The following SLC35G1 variants were observed in gnomAD, a reference collection of about 807,000 sequenced individuals.
SLC35G1 encodes the protein partner of STIM1.
SLC35G1 carries 10 observed loss-of-function variants against 17.1 expected under a neutral mutation model. The ratio of observed to expected loss-of-function variants is 0.59; its 90% CI spans 0.36 to 0.99. SLC35G1 has a LOEUF of 0.99. Among genes scored for constraint, SLC35G1 ranks in the 50% least tolerant of loss-of-function variants. The probability of loss-of-function intolerance (pLI) is 0.01; values close to 1 mark genes in which losing one functional copy is unlikely to be tolerated. For missense variants in SLC35G1, 433 were observed against 468.4 expected, an observed-to-expected ratio of 0.92 and a Z score of 0.70; for synonymous variants, 185 against 181.1, an observed-to-expected ratio of 1.02 and a Z score of -0.18.
At chr10:93,904,373 C>T (rs1397713556), downstream of SLC35G1, among the ~76,000 whole-genome samples, 1 of 152,162 alleles carries the variant, frequency 6.6e-6, no homozygotes. Context: ...ACAGTGATGC[C>T]TTATTACACA....
rs556867957 is a variant in SLC35G1, at chr10:93,894,010, C to G, written c.-24C>G. ...GCTGCTGGCGCCAGACGGCACCGGC[C>G]GCTGGTAGAGCGCGTGCCGCGAGAT... On this transcript the variant is annotated 5_prime_UTR_variant, in exon 1 of 3. Transcript: ENST00000427197. 5.1e-6 allele frequency: 7 copies of G among 1,369,290 alleles called. No homozygotes were observed. The African/African-American group carries it at 7.6e-5, about 15-fold the overall frequency. The allele number at this position is 1,369,290 out of a possible 1,614,324, so 84.8% of individuals were successfully genotyped here.
rs775357351 is a variant in SLC35G1 at position 93,901,257 on chromosome 10, A to G, written c.865A>G (p.Ile289Val). The G allele has an allele frequency of 3.7e-6, 6 of 1,613,732 alleles. No individual in the cohort carries two copies. In the African/African-American group the frequency reaches 6.7e-5, roughly 18 times the overall value. ...CTGTGGGTTGGACAGGCTATTTCTC[A>G]TATTCATTGGGCTCTTTGGTTTGGG... The part of the protein sequence containing the change: ...PYCGLDRLFL[I>V]FIGLFGLGGQ... Residue 289 changes from isoleucine to valine, a missense_variant, in exon 3 of 3, where the codon ATA becomes GTA. Transcript: ENST00000427197.
At chr10:93,897,996 G>A (rs1390499411) in intron 1 of SLC35G1, among the ~76,000 whole-genome samples, 1 of 152,208 alleles carries the variant, frequency 6.6e-6, no homozygotes, top group Non-Finnish European at 1.5e-5. Context: ...TTTCCCTGAA[G>A]TTCTCTCATC....
downstream of SLC35G1, among the ~76,000 whole-genome samples, chr10:93,904,440 A>G (rs965634962): frequency 7.2e-5 from 11 of 152,298 alleles, no homozygotes; most frequent in African/African-American, 2.4e-4. Context: ...CCTGATTTCT[A>G]CATCCCAACA....
At chr10:93,908,991 G>C (rs1027992277) in exon 3 of SLC35G1, 1 of 152,188 alleles carries the variant, frequency 6.6e-6, no homozygotes, top group Admixed American at 6.5e-5. Flanking sequence ...ACTCTGGCAG[G>C]CTTGCTCCAT....
intron 1 of SLC35G1, among the ~76,000 whole-genome samples, chr10:93,897,654 T>A (rs1191582630): frequency 6.6e-6 from 1 of 152,228 alleles, no homozygotes; most frequent in East Asian, 1.9e-4. Flanking sequence ...TACTCCTGTG[T>A]AGGAAACTAA....
intron 2 of SLC35G1, 141 bp from the exon 3 acceptor site, chr10:93,900,611 C>A (rs1260688035): frequency 1.4e-6 from 1 of 717,896 alleles, no homozygotes; most frequent in Admixed American, 3.5e-5. Flanking sequence ...ATATAATATT[C>A]ATTTGTGGAT....
chr10:93,894,727 A>C (rs2060314116), intron 1 of SLC35G1, among the ~76,000 whole-genome samples: 1 of 152,152 alleles, frequency 6.6e-6, no homozygotes, highest in South Asian at 2.1e-4. Context: ...TTTAACCTTT[A>C]GGGATACAAG....
At position 93,900,986 on chromosome 10, in the gene SLC35G1, C is replaced by A. The variant is rs1322410549; in HGVS notation, c.594C>A (p.Ile198=). ...LFTVFTITGV[I]LIVRPPFLFG... is the part of the protein sequence containing the mutation. ...CCGTGTTCACAATCACTGGAGTGAT[C>A]CTTATCGTGAGACCACCATTTTTGT... Residue 198 remains isoleucine (I), a synonymous_variant, in exon 3 of 3, where the codon ATC becomes ATA. Coordinates refer to ENST00000427197, the MANE Select transcript of SLC35G1 (RefSeq NM_001134658.3). The A allele has an allele frequency of 6.2e-7, 1 of 1,614,066 alleles. No individual in the cohort carries two copies. The highest frequency in any genetic ancestry group is 1.7e-5 in the Admixed American group (1 of 59,986).
Position 93,901,225 on chromosome 10 carries a change from T to C in SLC35G1, c.833T>C (p.Leu278Pro), listed in dbSNP as rs770810417. ...IILSVLGEWS[L>P]PYCGLDRLFL... ...CTCTCTGTATTAGGAGAGTGGAGTC[T>C]GCCTTACTGTGGGTTGGACAGGCTA... The change falls in exon 3 of 3, where the codon CTG becomes CCG. Residue 278 changes from leucine (L) to proline (P), a missense_variant. Transcript: ENST00000427197. 3 of 1,614,108 alleles carry C rather than the reference T, an allele frequency of 1.9e-6. No homozygotes were observed. Among genetic ancestry groups the C allele is most frequent in the Non-Finnish European group, 8.5e-7 (1 of 1,179,940 alleles).
At chr10:93,894,838 A>C (rs991762837) in intron 1 of SLC35G1, among the ~76,000 whole-genome samples, 2 of 152,190 alleles carry the variant, frequency 1.3e-5, no homozygotes, top group Non-Finnish European at 2.9e-5. Flanking sequence ...CTTTATGTTC[A>C]GTCCCCCTCC....
Position 93,898,697 on chromosome 10 carries a change from C to T in SLC35G1, c.305C>T (p.Ala102Val), listed in dbSNP as rs747284834. The T allele has an allele frequency of 6.2e-6, 10 of 1,612,562 alleles. No individual in the cohort carries two copies. The highest frequency in any genetic ancestry group is 2.2e-5 in the East Asian group (1 of 44,854). ...GACGTCCATGCTGTAGAGATTAGTGCGTTTCGATGTGTGTTCCAAATGCTA... is the reference window on the plus strand; with the variant it reads ...GACGTCCATGCTGTAGAGATTAGTGTGTTTCGATGTGTGTTCCAAATGCTA... ...VQDVHAVEIS[A>V]FRCVFQMLVV... The change falls in exon 2 of 3, where the codon GCG (alanine) becomes GTG (valine). Residue 102 changes from alanine (A) to valine (V), a missense_variant. Physicochemically the swap from Ala to Val is moderately conservative, Grantham distance 64 (BLOSUM62 0). Transcript: ENST00000427197.
At chr10:93,904,175 T>G (rs2060415006), downstream of SLC35G1, among the ~76,000 whole-genome samples, 1 of 152,178 alleles carries the variant, frequency 6.6e-6, no homozygotes, top group Non-Finnish European at 1.5e-5. Flanking sequence ...TCTTGTGGAT[T>G]TATTCTTTCC....
intron 1 of SLC35G1, among the ~76,000 whole-genome samples, chr10:93,896,328 A>C (rs577214219): frequency 6.6e-6 from 1 of 152,166 alleles, no homozygotes; most frequent in South Asian, 2.1e-4. Context: ...AGGTGATTCT[A>C]ATTCCCAACC....
chr10:93,897,829 AACCCAC>A (rs2060345584), intron 1 of SLC35G1, among the ~76,000 whole-genome samples: 1 of 152,240 alleles, frequency 6.6e-6, no homozygotes, highest in Admixed American at 6.5e-5. Context: ...AGGGCTAGAT[AACCCAC>A]ACCCTCCCCT....
Position 93,894,140 on chromosome 10 carries a change from C to CAGCTGGGGCGCCAGACCGCGGT in SLC35G1, c.110_131dup (p.Arg44SerfsTer8). 1.3e-6 allele frequency: 2 copies of CAGCTGGGGCGCCAGACCGCGGT among 1,484,058 alleles called. No homozygotes were observed. Among genetic ancestry groups the CAGCTGGGGCGCCAGACCGCGGT allele is most frequent in the Non-Finnish European group, 1.8e-6 (2 of 1,124,766 alleles). 91.9% of individuals were successfully genotyped at this position (1,484,058 alleles called of 1,614,324 possible). A position where few individuals can be genotyped will look rare whatever the true frequency, so the allele number is the denominator to read the frequency against. On this transcript the variant is annotated frameshift_variant, in exon 1 of 3. Transcript: ENST00000427197. LOFTEE classifies it high-confidence loss of function. ...ACTGAGGAGCCGGCGGCCGCCGAGG[C>CAGCTGGGGCGCCAGACCGCGGT]AGCTGGGGCGCCAGACCGCGGTAGG...
intron 2 of SLC35G1, 124 bp downstream of exon 2, chr10:93,898,875 C>A: frequency 2.1e-6 from 2 of 941,690 alleles, no homozygotes; most frequent in Non-Finnish European, 3.0e-6. Flanking sequence ...TGCCCCTTGG[C>A]TCTGCTTAAT....
At chr10:93,904,464 C>T (rs561942102), downstream of SLC35G1, among the ~76,000 whole-genome samples, 28 of 152,208 alleles carry the variant, frequency 1.8e-4, no homozygotes, top group Non-Finnish European at 3.2e-4. Flanking sequence ...ATGGGATACT[C>T]AGATCAGTCT....
chr10:93,894,733 A>G (rs1010663696), intron 1 of SLC35G1, among the ~76,000 whole-genome samples: 4 of 152,204 alleles, frequency 2.6e-5, no homozygotes, highest in East Asian at 1.9e-4. Context: ...CTTTAGGGAT[A>G]CAAGGACTTT....
Sources: gnomAD v4.1 joint callset for allele counts (sites outside exome capture counted in the v4.1 genomes callset) on GRCh38, gnomAD v4.1.1 for gene constraint, MANE v1.5 for transcripts, NCBI Gene and HGNC (gene_info 2026-07-23, HGNC 2026-07-21) for gene names.